Variants in SSX1 observed in about 807,000 individuals in gnomAD.
SSX1 encodes the protein SSX family member 1.
Under a neutral mutation model 14.6 loss-of-function variants are expected in SSX1, and 58 were observed. The observed-to-expected ratio is 3.96, with a 90% CI of 3.21 to 4.93. SSX1 has a LOEUF of 4.93. SSX1 is among the 30% of genes most tolerant of loss of function. The pLI, the probability that SSX1 is intolerant of heterozygous loss-of-function variation, is 0.00. For synonymous variants in SSX1, 46 were observed against 52.1 expected (o/e 0.88, Z 0.50); for missense variants, 272 against 143.1 (o/e 1.90, Z -4.60).
Position 48,258,599 on chromosome X carries a change from A to G in SSX1, c.248A>G (p.Asp83Gly). The G allele has an allele frequency of 8.3e-7, 1 of 1,208,720 alleles. No homozygotes were observed. Among genetic ancestry groups the G allele is most frequent in the African/African-American group, 1.7e-5 (1 of 57,587 alleles). ...NKQATDFQGN[D>G]FDNDHNRRIQ... ...CAGGCCACAGACTTCCAGGGGAATG[A>G]TTTTGATAATGACCATAACCGCAGG... Residue 83 changes from aspartate (D) to glycine (G), a missense_variant, in exon 4 of 8, where the codon GAT (aspartate) becomes GGT (glycine). Transcript: ENST00000376919.
At chrX:48,256,038 T>C (rs1197152388) in intron 1 of SSX1, among the ~76,000 whole-genome samples, 4 of 107,877 alleles carry the variant, frequency 3.7e-5, no homozygotes, top group Non-Finnish European at 7.7e-5. Context: ...TTTGTTGTTG[T>C]TGTTCTTTTT....
At chrX:48,255,631 GTTT>G (rs1224585882) in intron 1 of SSX1, among the ~76,000 whole-genome samples, 199 bp downstream of exon 1, 2 of 84,596 alleles carry the variant, frequency 2.4e-5, no homozygotes, top group South Asian at 5.8e-4. Flanking sequence ...TCCCACCCCT[GTTT>G]TTTTTTTTTT....
rs2146608757 is a variant in SSX1 at position 48,257,739 on chromosome X, T to G, written c.70-7T>G. On this transcript the variant is annotated splice_polypyrimidine_tract_variant and splice_region_variant and intron_variant, in intron 2 of 7. Transcript: ENST00000376919. ...GTCACTGACAAATTTTATTTTATTT[T>G]TTTTAGGCCTTTGATGATATTGCCA... 8.4e-7 allele frequency: 1 copy of G among 1,190,998 alleles called. No homozygotes were observed. The highest frequency in any genetic ancestry group is 2.3e-5 in the Admixed American group (1 of 44,301).
At chrX:48,261,894 AT>A in intron 5 of SSX1, 79 bp downstream of exon 5, 1 of 1,108,189 alleles carries the variant, frequency 9.0e-7, no homozygotes, top group Non-Finnish European at 1.2e-6. Flanking sequence ...CAGGGAGAAT[AT>A]CAAAAACGCC....
At chrX:48,257,493 A>C (rs1382575647) in intron 2 of SSX1, 183 bp downstream of exon 2, 70 of 751,217 alleles carry the variant, frequency 9.3e-5, no homozygotes, top group Non-Finnish European at 1.1e-4. Context: ...CAAGTCTCTG[A>C]CCTTGCTCTA....
intron 1 of SSX1, among the ~76,000 whole-genome samples, chrX:48,255,894 CTTT>C (rs782152875): frequency 7.1e-4 from 55 of 77,497 alleles, no homozygotes; most frequent in African/African-American, 2.2e-3. Flanking sequence ...CCTGCCCATG[CTTT>C]TTTTTTTTTT....
intron 5 of SSX1, among the ~76,000 whole-genome samples, chrX:48,263,089 G>A (rs1184273237): frequency 1.8e-5 from 2 of 108,612 alleles, no homozygotes; most frequent in Non-Finnish European, 3.8e-5. Flanking sequence ...AGCCAAGATC[G>A]CACCACTGCA....
chrX:48,258,855 A>G (rs1556934998), intron 4 of SSX1, among the ~76,000 whole-genome samples: 3 of 111,897 alleles, frequency 2.7e-5, no homozygotes, highest in Admixed American at 1.9e-4. Context: ...GTAAATGCAT[A>G]AAAACATAAA....
chrX:48,261,291 C>A (rs2059602964), intron 4 of SSX1, among the ~76,000 whole-genome samples: 1 of 111,577 alleles, frequency 9.0e-6, no homozygotes, highest in South Asian at 3.8e-4. Flanking sequence ...TGAGTATCTG[C>A]CAAGTTTTGA....
At position 48,258,801 on chromosome X, in the gene SSX1, A is replaced by G. The variant is rs782440450; in HGVS notation, c.280+170A>G. The stretch of plus-strand genomic sequence containing the variant: ...ACAGAGGCCATTCATAAAATTCTAA[A>G]ACATGCAAAAGTAATATGTACTTTC... On this transcript the variant is annotated intron_variant, in intron 4 of 7. Coordinates refer to ENST00000376919, the MANE Select transcript of SSX1 (RefSeq NM_005635.4). Among the ~76,000 whole-genome samples, 10 of 82,839 alleles carry G rather than the reference A, an allele frequency of 1.2e-4. No individual in the cohort carries two copies. The East Asian group carries it at 3.5e-3, about 29-fold the overall frequency. 71.9% of individuals were successfully genotyped at this position (82,839 alleles called of 115,157 possible).
intron 6 of SSX1, among the ~76,000 whole-genome samples, chrX:48,264,468 T>C (rs150758733): frequency 1.1e-3 from 125 of 112,627 alleles, no homozygotes; most frequent in African/African-American, 4.0e-3. Flanking sequence ...TGTCTAAAAA[T>C]GTACATACCT....
At chrX:48,260,576 C>T (rs1298330966) in intron 4 of SSX1, among the ~76,000 whole-genome samples, 2 of 111,428 alleles carry the variant, frequency 1.8e-5, no homozygotes, top group Non-Finnish European at 3.8e-5. Context: ...GTCAAATTGT[C>T]CCTGTTTGCA....
intron 6 of SSX1, among the ~76,000 whole-genome samples, chrX:48,265,509 G>C (rs1169239844): frequency 9.0e-6 from 1 of 111,605 alleles, no homozygotes; most frequent in Non-Finnish European, 1.9e-5. Flanking sequence ...GGAGCAGTCA[G>C]AATACACACA....
In SSX1 at chrX:48,257,792, AGAT is replaced by A. The variant is rs1394132963; in HGVS notation, c.119_121del (p.Met40del). On this transcript the variant is annotated inframe_deletion, in exon 3 of 8. Transcript: ENST00000376919. ...TACTTCTCTAAGAAAGAGTGGAAAA[AGAT>A]GAAATACTCGGAGAAAATCAGCTAT... The A allele has an allele frequency of 8.3e-7, 1 of 1,206,183 alleles. No homozygotes were observed. Among genetic ancestry groups the A allele is most frequent in the African/African-American group, 1.8e-5 (1 of 56,916 alleles).
At chrX:48,266,517 T>C (rs2059624603) in intron 7 of SSX1, 126 bp downstream of exon 7, 1 of 1,112,444 alleles carries the variant, frequency 9.0e-7, no homozygotes, top group African/African-American at 1.8e-5. Context: ...CTGTACAGCA[T>C]TGAGGCTGAA....
intron 5 of SSX1, among the ~76,000 whole-genome samples, chrX:48,263,444 A>G (rs782556721): frequency 1.1e-5 from 1 of 92,851 alleles, no homozygotes; most frequent in African/African-American, 3.8e-5. Flanking sequence ...ATTTTATAGA[A>G]GCTCTTCCTT....
intron 4 of SSX1, among the ~76,000 whole-genome samples, chrX:48,261,130 T>G (rs1364329236): frequency 9.0e-6 from 1 of 111,647 alleles, no homozygotes; most frequent in Non-Finnish European, 1.9e-5. Context: ...GGGGACATAT[T>G]TGTTTACTTG....
At position 48,267,282 on chromosome X, in the gene SSX1, C is replaced by CACAGAGAGAG; in HGVS notation, c.*436_*437insGAGAGAGACA. 13 of 234,990 alleles carry CACAGAGAGAG rather than the reference C, an allele frequency of 5.5e-5. No individual in the cohort carries two copies. The highest frequency in any genetic ancestry group is 2.5e-4 in the South Asian group (3 of 11,820). 19.4% of individuals were successfully genotyped at this position (234,990 alleles called of 1,213,427 possible). On this transcript the variant is annotated 3_prime_UTR_variant, in exon 8 of 8. Transcript: ENST00000376919. ...ACACACACACACACACACACACGCA[C>CACAGAGAGAG]ACACACACACCAAGTACCAGTATAA... is the stretch of plus-strand genomic sequence containing the variant.
intron 1 of SSX1, among the ~76,000 whole-genome samples, chrX:48,255,765 T>A (rs12863140): frequency 0.39 from 38,685 of 99,884 alleles, 6,114 homozygotes; most frequent in Non-Finnish European, 0.46. Flanking sequence ...CCTCACTAAT[T>A]TTTTTTATTT....
Sources: allele counts gnomAD v4.1 joint callset (sites outside exome capture counted in the v4.1 genomes callset), GRCh38; gene constraint gnomAD v4.1.1; transcripts MANE v1.5; gene names NCBI Gene and HGNC (gene_info 2026-07-23, HGNC 2026-07-21).